The following ITGAL variants were observed in gnomAD, a reference collection of about 807,000 sequenced individuals.
ITGAL encodes integrin subunit alpha L.
Under a neutral mutation model 138.4 loss-of-function variants are expected in ITGAL, and 68 were observed. The ratio of observed to expected loss-of-function variants is 0.49; its 90% confidence interval spans 0.40 to 0.60. The LOEUF (loss-of-function observed/expected upper bound fraction) is 0.60, where lower values mean the gene tolerates loss of function less well. Ranked by LOEUF, ITGAL falls within the 20% of genes least tolerant of loss-of-function variation. The probability of loss-of-function intolerance (pLI) is 0.00; values close to 1 mark genes in which losing one functional copy is unlikely to be tolerated. For missense variants in ITGAL, 1,256 were observed against 1,478.6 expected (o/e 0.85, Z 2.47); for synonymous variants, 561 against 584.3 (o/e 0.96, Z 0.57).
intron 29 of ITGAL, 60 bp from the exon 30 acceptor site, chr16:30,519,797 C>A: frequency 9.1e-7 from 1 of 1,100,772 alleles, no homozygotes; most frequent in South Asian, 1.3e-5. Flanking sequence ...GAACCAGGTT[C>A]ACAGGGACTT....
Position 30,494,642 on chromosome 16 carries a change from G to A in ITGAL, c.1366-71G>A. On this transcript the variant is annotated intron_variant, in intron 12 of 30. Transcript: ENST00000356798. The surrounding 1 kb of genome is among the most constrained non-coding windows in gnomAD (Gnocchi z 4.2). Reference sequence around the variant, plus strand: ...GAGGGAGTGGCACAAGATGAACACGGTACAGGTATCTCCCTGCCAACCCCT... The same window carrying A: ...GAGGGAGTGGCACAAGATGAACACGATACAGGTATCTCCCTGCCAACCCCT... The A allele has an allele frequency of 6.6e-7, 1 of 1,518,484 alleles. No individual in the cohort carries two copies. Among genetic ancestry groups the A allele is most frequent in the South Asian group, 1.3e-5 (1 of 78,862 alleles). The allele number at this position is 1,518,484 out of a possible 1,614,324, so 94.1% of individuals were successfully genotyped here. A position where few individuals can be genotyped will look rare whatever the true frequency, so the allele number is the denominator to read the frequency against.
chr16:30,479,265 G>T, intron 5 of ITGAL, 57 bp downstream of exon 5: 1 of 1,613,146 alleles, frequency 6.2e-7, no homozygotes, highest in Non-Finnish European at 8.5e-7. Context: ...TCCCTAGAGA[G>T]AACCAGCATG....
chr16:30,519,928 GCT>G lies in ITGAL; in HGVS notation c.3301_3302del (p.Leu1101AlafsTer40). 6.2e-7 allele frequency: 1 copy of G among 1,603,606 alleles called. No homozygotes were observed. Among genetic ancestry groups the G allele is most frequent in the Non-Finnish European group, 8.5e-7 (1 of 1,172,600 alleles). ...TCTACGTGCTGAGCGGCATCGGGGG[GCT>G]GCTGCTGCTGCTGCTCATTTTCATA... ...YLYVLSGIGG[L>X]LLLLLIFIVL... On this transcript the variant is annotated frameshift_variant, in exon 30 of 31. Coordinates refer to ENST00000356798, the MANE Select transcript of ITGAL (RefSeq NM_002209.3). LOFTEE classifies it low-confidence loss of function (END_TRUNC).
At chr16:30,505,120 T>TAGGA in intron 18 of ITGAL, 124 bp from the exon 19 acceptor site, 1 of 889,740 alleles carries the variant, frequency 1.1e-6, no homozygotes, top group Non-Finnish European at 1.6e-6. Flanking sequence ...AGCTGGCTCC[T>TAGGA]GGGCAGGGCC....
At position 30,479,648 on chromosome 16, in the gene ITGAL, C is replaced by CTTTTTTT. The variant is rs59770529; in HGVS notation, c.576+210_576+216dup. 4.0e-4 allele frequency among the ~76,000 whole-genome samples: 29 copies of CTTTTTTT among 72,868 alleles called. 1 individual carries two copies. The highest frequency in any genetic ancestry group is 4.7e-4 in the Non-Finnish European group (19 of 40,218). 47.8% of individuals were successfully genotyped at this position (72,868 alleles called of 152,430 possible). ...TAGGAGTCTCTCTAGTTCTCATTTC[C>CTTTTTTT]TTTTTTTTTTTTTTTTTTTTTTTTT... On this transcript the variant is annotated intron_variant, in intron 6 of 30. Transcript: ENST00000356798.
chr16:30,497,412 C>T (rs1008163302), intron 15 of ITGAL, among the ~76,000 whole-genome samples: 3 of 151,144 alleles, frequency 2.0e-5, no homozygotes, highest in Non-Finnish European at 4.4e-5. Flanking sequence ...GAGGCTGTGG[C>T]AGGAAGATTA....
chr16:30,520,180 A>G (rs2151210154), intron 30 of ITGAL, among the ~76,000 whole-genome samples: 1 of 152,314 alleles, frequency 6.6e-6, no homozygotes, highest in South Asian at 2.1e-4. Context: ...CATACCTGTA[A>G]TCCCAGCACT....
chr16:30,495,814 A>T (rs548772613), intron 13 of ITGAL, among the ~76,000 whole-genome samples: 4 of 152,096 alleles, frequency 2.6e-5, no homozygotes, highest in African/African-American at 9.6e-5. Context: ...GCACCACTGC[A>T]CTCCAGCCTG....
intron 17 of ITGAL, 108 bp downstream of exon 17, chr16:30,499,597 C>T (rs1004557096): frequency 8.5e-6 from 9 of 1,056,380 alleles, no homozygotes; most frequent in African/African-American, 1.6e-5. Flanking sequence ...TGTGCTGTCA[C>T]TTCCTCTCCT....
intron 11 of ITGAL, among the ~76,000 whole-genome samples, chr16:30,493,511 T>A (rs1054232769): frequency 1.3e-5 from 2 of 151,506 alleles, no homozygotes; most frequent in Non-Finnish European, 2.9e-5. Context: ...CTCCTGACCT[T>A]GTGATCCACC....
chr16:30,484,091 T>C (rs2285459), intron 8 of ITGAL, 22 bp from the exon 9 acceptor site: 950,885 of 1,606,062 alleles, frequency 0.59, 289,715 homozygotes, highest in East Asian at 0.99. Context: ...ATTTCAGCTC[T>C]TCACTCTCCA....
At chr16:30,483,803 C>A in intron 7 of ITGAL, 24 bp from the exon 8 acceptor site, 1 of 1,592,858 alleles carries the variant, frequency 6.3e-7, no homozygotes, top group Non-Finnish European at 8.6e-7. Context: ...GGGAGTCTCT[C>A]ATCTCCTCCT....
chr16:30,506,865 G>A lies in ITGAL; in HGVS notation c.2508+9G>A, dbSNP rs2051007910. On this transcript the variant is annotated intron_variant, in intron 21 of 30. Transcript: ENST00000356798. ...AGGTGGAGATGCTGAAGGTGGGTGA[G>A]AGGACAGCGCCTGCCTGCGGGCATC... 6.2e-7 allele frequency: 1 copy of A among 1,613,696 alleles called. No homozygotes were observed. Among genetic ancestry groups the A allele is most frequent in the East Asian group, 2.2e-5 (1 of 44,856 alleles).
At chr16:30,501,896 G>A (rs1468297268) in intron 17 of ITGAL, among the ~76,000 whole-genome samples, 1 of 151,912 alleles carries the variant, frequency 6.6e-6, no homozygotes, top group Non-Finnish European at 1.5e-5. Flanking sequence ...AGCCAGCCTT[G>A]GTGGAGCGCA....
intron 8 of ITGAL, 26 bp from the exon 9 acceptor site, chr16:30,484,087 G>T (rs757755111): frequency 6.2e-7 from 1 of 1,606,728 alleles, no homozygotes; most frequent in Admixed American, 1.7e-5. Flanking sequence ...GGGGATTTCA[G>T]CTCTTCACTC....
At chr16:30,515,753 C>T (rs1341003283) in intron 25 of ITGAL, among the ~76,000 whole-genome samples, 2 of 152,138 alleles carry the variant, frequency 1.3e-5, no homozygotes. Context: ...GGGCAGATCA[C>T]CTGAGGTCAG....
intron 7 of ITGAL, among the ~76,000 whole-genome samples, chr16:30,482,505 C>T (rs1057507808): frequency 1.3e-5 from 2 of 151,938 alleles, no homozygotes; most frequent in African/African-American, 2.4e-5. Flanking sequence ...TTTAAAAGAT[C>T]CCTCTGGCTG....
In ITGAL at chr16:30,506,779, G is replaced by A. The variant is rs772428653; in HGVS notation, c.2431G>A (p.Glu811Lys). 3.1e-6 allele frequency: 5 copies of A among 1,613,874 alleles called. No individual in the cohort carries two copies. Among genetic ancestry groups the A allele is most frequent in the Non-Finnish European group, 4.2e-6 (5 of 1,179,912 alleles). The change falls in exon 21 of 31, where the codon GAA (glutamate) becomes AAA (lysine). Residue 811 changes from glutamate (E) to lysine (K), a missense_variant. Physicochemically the swap from Glu to Lys is moderately conservative, Grantham distance 56. This residue lies in a region of ITGAL where 867 missense variants were observed against 972.5 expected (regional missense o/e 0.89). Coordinates refer to ENST00000356798, the MANE Select transcript of ITGAL (RefSeq NM_002209.3). Reference protein sequence around the residue: ...LSVELSLSNLEEDAYWVQLDL... With the variant: ...LSVELSLSNLKEDAYWVQLDL... ...TGTGGAGCTGAGCCTGAGTAACTTG[G>A]AAGAAGATGCTTACTGGGTCCAGCT...
At chr16:30,490,327 G>T (rs1409080977) in intron 11 of ITGAL, among the ~76,000 whole-genome samples, 4 of 150,730 alleles carry the variant, frequency 2.7e-5, no homozygotes, top group Non-Finnish European at 5.9e-5. Context: ...ACAATAAGCC[G>T]ATAGTTCCTC....
Sources: gnomAD v4.1 joint callset for allele counts (sites outside exome capture counted in the v4.1 genomes callset) on GRCh38, gnomAD v4.1.1 for gene constraint, gnomAD v4.1.1 regional missense constraint, Gnocchi (gnomAD v3.1) non-coding constraint, MANE v1.5 for transcripts, NCBI Gene and HGNC (gene_info 2026-07-23, HGNC 2026-07-21) for gene names.